The following CDH12 variants were observed in gnomAD, a reference collection of about 807,000 sequenced individuals.
CDH12 encodes cadherin 12.
In CDH12, 41 loss-of-function variants were observed where a neutral mutation model predicts 74.1. The ratio of observed to expected loss-of-function variants is 0.55; its 90% CI spans 0.43 to 0.72. The LOEUF is 0.72. CDH12 is among the 30% of genes least tolerant of loss of function. The pLI is 0.00. For missense variants in CDH12, 945 were observed against 977.2 expected (o/e 0.97, Z 0.44); for synonymous variants, 399 against 355.0 (o/e 1.12, Z -1.39).
In CDH12 at chr5:22,752,738, A is replaced by AT. The variant is rs1300457960; in HGVS notation, c.-523+100319dup. On this transcript the variant is annotated intron_variant, in intron 1 of 14. Coordinates refer to ENST00000382254, the MANE Select transcript of CDH12 (RefSeq NM_004061.5). The stretch of plus-strand genomic sequence containing the variant: ...AGGCGCCCGCCACTACGCCCGGCTA[A>AT]TTTTTTGTATTTTTTTACTAGAGAC... Among the ~76,000 whole-genome samples the AT allele has an allele frequency of 1.4e-3, 205 of 145,878 alleles. 1 individual carries two copies. Among genetic ancestry groups the AT allele is most frequent in the African/African-American group, 5.0e-3 (195 of 38,900 alleles).
At chr5:22,643,910 G>A (rs1739298735) in intron 1 of CDH12, among the ~76,000 whole-genome samples, 1 of 151,414 alleles carries the variant, frequency 6.6e-6, no homozygotes, top group Non-Finnish European at 1.5e-5. Context: ...ATCTATTATT[G>A]TGATCTATGA....
chr5:22,373,164 C>A (rs1299652785), intron 3 of CDH12, among the ~76,000 whole-genome samples: 3 of 152,162 alleles, frequency 2.0e-5, no homozygotes, highest in Admixed American at 2.0e-4. Flanking sequence ...CATCAAGGGG[C>A]CTGGATATCC....
intron 4 of CDH12, among the ~76,000 whole-genome samples, chr5:22,173,781 G>A (rs564844322): frequency 5.3e-5 from 8 of 151,760 alleles, no homozygotes; most frequent in African/African-American, 9.7e-5. Context: ...TAGTATTTTC[G>A]ATGTTACCAT....
Position 22,360,583 on chromosome 5 carries a change from G to A in CDH12, c.-333+44674C>T, listed in dbSNP as rs551968843. On this transcript the variant is annotated intron_variant, in intron 3 of 14. Transcript: ENST00000382254. ...AATCCTCCCTAACTCATTTTATGAC[G>A]CCAGCATCATCCTGATACCAAAGCC... 2.5e-3 allele frequency among the ~76,000 whole-genome samples: 384 copies of A among 152,214 alleles called. 3 individuals carry two copies. Among genetic ancestry groups the A allele is most frequent in the Admixed American group, 4.8e-3 (73 of 15,284 alleles).
intron 1 of CDH12, among the ~76,000 whole-genome samples, chr5:22,788,485 C>T (rs1747751749): frequency 6.7e-6 from 1 of 150,028 alleles, no homozygotes; most frequent in Admixed American, 6.7e-5. Flanking sequence ...GCATTGAATA[C>T]TCACTATATG....
intron 6 of CDH12, among the ~76,000 whole-genome samples, chr5:21,916,173 A>C (rs528987028): frequency 2.0e-5 from 3 of 152,266 alleles, no homozygotes; most frequent in African/African-American, 7.2e-5. Context: ...AATAATAATA[A>C]TTACAGCTAT....
chr5:22,639,535 A>C (rs745824772), intron 1 of CDH12, among the ~76,000 whole-genome samples: 1 of 150,222 alleles, frequency 6.7e-6, no homozygotes, highest in Non-Finnish European at 1.5e-5. Context: ...GCAATTGCCG[A>C]CTGCTCTAAA....
At chr5:22,382,172 A>G (rs892037571) in intron 3 of CDH12, among the ~76,000 whole-genome samples, 16 of 145,732 alleles carry the variant, frequency 1.1e-4, no homozygotes, top group Non-Finnish European at 2.0e-4. Context: ...ATTTTATTAT[A>G]TATTTATAAT....
At chr5:22,252,446 A>G (rs1005438881) in intron 3 of CDH12, among the ~76,000 whole-genome samples, 3 of 151,710 alleles carry the variant, frequency 2.0e-5, no homozygotes, top group African/African-American at 7.3e-5. Context: ...TGCTTTGTGG[A>G]ATAAAAATTT....
chr5:22,032,299 C>A (rs561978585), intron 5 of CDH12, among the ~76,000 whole-genome samples: 1 of 152,176 alleles, frequency 6.6e-6, no homozygotes, highest in African/African-American at 2.4e-5. Flanking sequence ...GGTATTACTA[C>A]AGCAAATACC....
chr5:22,202,583 A>G (rs1281497559), intron 4 of CDH12, among the ~76,000 whole-genome samples: 1 of 152,168 alleles, frequency 6.6e-6, no homozygotes, highest in African/African-American at 2.4e-5. Flanking sequence ...TTGATTATCC[A>G]GCAAGAGTAG....
chr5:22,547,227 A>C (rs1205115881), intron 1 of CDH12, among the ~76,000 whole-genome samples: 2 of 152,192 alleles, frequency 1.3e-5, no homozygotes, highest in African/African-American at 4.8e-5. Context: ...TAGCTTGTGA[A>C]TGTCCAGTTC....
chr5:22,026,904 T>C (rs1203685784), intron 5 of CDH12, among the ~76,000 whole-genome samples: 1 of 152,162 alleles, frequency 6.6e-6, no homozygotes, highest in African/African-American at 2.4e-5. Flanking sequence ...AGCTGTAGTA[T>C]TATGAAAGGT....
intron 4 of CDH12, among the ~76,000 whole-genome samples, chr5:22,121,735 T>G (rs148036412): frequency 2.3e-4 from 35 of 152,260 alleles, no homozygotes; most frequent in African/African-American, 7.9e-4. Context: ...TTTATATTCA[T>G]AAAATTCCTC....
chr5:21,848,029 C>A (rs1047404577), intron 7 of CDH12, among the ~76,000 whole-genome samples: 1 of 152,024 alleles, frequency 6.6e-6, no homozygotes, highest in African/African-American at 2.4e-5. Flanking sequence ...TAAAGTAGTG[C>A]ATAATGCTAG....
At chr5:22,744,201 G>A (rs1393014608) in intron 1 of CDH12, among the ~76,000 whole-genome samples, 12 of 151,938 alleles carry the variant, frequency 7.9e-5, no homozygotes, top group Admixed American at 5.2e-4. Context: ...AGGCCGAGAC[G>A]GGCGGATCAC....
At chr5:22,018,460 C>T (rs1274763163) in intron 5 of CDH12, among the ~76,000 whole-genome samples, 1 of 152,088 alleles carries the variant, frequency 6.6e-6, no homozygotes, top group East Asian at 1.9e-4. Flanking sequence ...AGTGATAGTT[C>T]CTATTCCATT....
chr5:22,634,131 A>T (rs1029666590), intron 1 of CDH12, among the ~76,000 whole-genome samples: 5 of 152,172 alleles, frequency 3.3e-5, no homozygotes, highest in African/African-American at 1.2e-4. Context: ...TCAAAATGAT[A>T]TACTAGAATT....
rs546825802 is a variant in CDH12 at position 22,603,477 on chromosome 5, G to A, written c.-522-98113C>T. ...CATACCTACATATATGTACACACACGTAGCTGAAGAAGAGAAGCCTGGTGC... is the reference window on the plus strand; with the variant it reads ...CATACCTACATATATGTACACACACATAGCTGAAGAAGAGAAGCCTGGTGC... On this transcript the variant is annotated intron_variant, in intron 1 of 14. Transcript: ENST00000382254. 4.6e-5 allele frequency among the ~76,000 whole-genome samples: 7 copies of A among 152,250 alleles called. No individual in the cohort carries two copies. The South Asian group carries it at 6.2e-4, about 14-fold the overall frequency.
Sources: allele counts gnomAD v4.1 joint callset (sites outside exome capture counted in the v4.1 genomes callset), GRCh38; gene constraint gnomAD v4.1.1; transcripts MANE v1.5; gene names NCBI Gene and HGNC (gene_info 2026-07-23, HGNC 2026-07-21).